SLC6A19: variants seen among roughly 807,000 people sequenced by gnomAD.
SLC6A19 encodes the protein sodium-dependent neutral amino acid transporter B(0)AT1.
A neutral mutation model predicts 68.3 loss-of-function variants in SLC6A19; 67 were observed. The observed-to-expected ratio is 0.98, with a 90% CI of 0.81 to 1.20. The LOEUF is 1.20. Ranked by LOEUF, SLC6A19 falls within the 50% of genes most tolerant of loss-of-function variation. SLC6A19 has a pLI of 0.00. For missense variants in SLC6A19, 813 were observed against 851.6 expected (o/e 0.95, Z 0.56); for synonymous variants, 392 against 374.9 (o/e 1.05, Z -0.53).
At chr5:1,217,696 G>T (rs1030184449) in intron 8 of SLC6A19, among the ~76,000 whole-genome samples, 1 of 152,250 alleles carries the variant, frequency 6.6e-6, no homozygotes, top group East Asian at 1.9e-4. Context: ...GGCAGGAGGG[G>T]CCCAACAGGG....
At chr5:1,202,674 C>A (rs942709622) in intron 1 of SLC6A19, among the ~76,000 whole-genome samples, 2 of 129,766 alleles carry the variant, frequency 1.5e-5, no homozygotes, top group African/African-American at 6.1e-5. Flanking sequence ...CTTCCTGCTG[C>A]CCTGGGGCAG....
intron 8 of SLC6A19, among the ~76,000 whole-genome samples, chr5:1,218,199 C>T (rs1217803378): frequency 1.3e-5 from 2 of 152,214 alleles, no homozygotes; most frequent in South Asian, 2.1e-4. Context: ...CTCTGGAACT[C>T]GCATAGTTGT....
In SLC6A19 at chr5:1,213,546, T is replaced by C; in HGVS notation, c.747T>C (p.Asn249=). Residue 249 remains asparagine (N), a synonymous_variant, in exon 5 of 12, where the codon AAT becomes AAC. Transcript: ENST00000304460. ...GCCTGACGCTGAAGGGCGCCACCAA[T>C]GGCATCGTCTTCCTCTTCACGCCCA... ...IRGLTLKGAT[N]GIVFLFTPNV... 6.2e-7 allele frequency: 1 copy of C among 1,610,892 alleles called. No homozygotes were observed. The highest frequency in any genetic ancestry group is 8.5e-7 in the Non-Finnish European group (1 of 1,179,120).
In SLC6A19 at chr5:1,214,246, G is replaced by A. The variant is rs1746139911; in HGVS notation, c.887+181G>A. Among the ~76,000 whole-genome samples the A allele has an allele frequency of 6.6e-6, 1 of 152,160 alleles. No individual in the cohort carries two copies. On this transcript the variant is annotated intron_variant, in intron 6 of 11. Coordinates refer to ENST00000304460, the MANE Select transcript of SLC6A19 (RefSeq NM_001003841.3). The surrounding 1 kb of genome is among the most constrained non-coding windows in gnomAD (Gnocchi z 7.4). ...CTGAGTCTAGAGTGCAGCATGTGGA[G>A]GAGGGGCAGGTCTCCCTGTGAGGAG...
rs1413399722 is a variant in SLC6A19 at position 1,209,420 on chromosome 5, G to A, written c.343+534G>A. 6.6e-6 allele frequency among the ~76,000 whole-genome samples: 1 copy of A among 152,138 alleles called. No individual in the cohort carries two copies. The highest frequency in any genetic ancestry group is 2.4e-5 in the African/African-American group (1 of 41,444). ...GGAGGAAAGGGCAGGGTCCACTCCAGAGAGGAGTCTGAGTCCAGGAAGCAC... is the reference window on the plus strand; with the variant it reads ...GGAGGAAAGGGCAGGGTCCACTCCAAAGAGGAGTCTGAGTCCAGGAAGCAC... On this transcript the variant is annotated intron_variant, in intron 2 of 11. Coordinates refer to ENST00000304460, the MANE Select transcript of SLC6A19 (RefSeq NM_001003841.3). This position sits in a 1 kb window ranked among gnomAD's most constrained non-coding sequence, Gnocchi z 5.5.
Position 1,219,209 on chromosome 5 carries a change from C to A in SLC6A19, c.1378+102C>A, listed in dbSNP as rs1251378503. On this transcript the variant is annotated intron_variant, in intron 9 of 11. Transcript: ENST00000304460. ...CTCTGTCCCCGGCCGTGCGTGCAGC[C>A]CCCGGGCGTGTGAACAGCTCTGTCC... 2.6e-6 allele frequency: 3 copies of A among 1,161,290 alleles called. No individual in the cohort carries two copies. The East Asian group carries it at 7.9e-5, about 30-fold the overall frequency. The allele number at this position is 1,161,290 out of a possible 1,614,324, so 71.9% of individuals were successfully genotyped here. A position where few individuals can be genotyped will look rare whatever the true frequency, so the allele number is the denominator to read the frequency against.
At chr5:1,208,456 G>C (rs1055158498) in intron 1 of SLC6A19, among the ~76,000 whole-genome samples, 1 of 152,154 alleles carries the variant, frequency 6.6e-6, no homozygotes, top group Non-Finnish European at 1.5e-5. Flanking sequence ...TGGTCAGAGC[G>C]CGTGAGGCAT....
rs374845053 is a variant in SLC6A19, at chr5:1,222,498, C to T, written c.*594C>T. ...CACATGTGTATATGTACATGTATGC[C>T]TGTGTGACGTGTGTATATGTGAGCA... is the stretch of plus-strand genomic sequence containing the variant. On this transcript the variant is annotated 3_prime_UTR_variant, in exon 12 of 12. Coordinates refer to ENST00000304460, the MANE Select transcript of SLC6A19 (RefSeq NM_001003841.3). The T allele has an allele frequency of 3.1e-5, 13 of 418,332 alleles. No individual in the cohort carries two copies. The highest frequency in any genetic ancestry group is 4.6e-5 in the Non-Finnish European group (11 of 237,258). 25.9% of individuals were successfully genotyped at this position (418,332 alleles called of 1,614,324 possible). A position where few individuals can be genotyped will look rare whatever the true frequency, so the allele number is the denominator to read the frequency against.
rs757370769 is a variant in SLC6A19 at position 1,221,922 on chromosome 5, C to T, written c.*18C>T. On this transcript the variant is annotated 3_prime_UTR_variant, in exon 12 of 12. Transcript: ENST00000304460. Reference sequence around the variant, plus strand: ...AGTACTGAGAAGGCCCATCCCACGGCGTGCCATACACTGGTGTCAGGGAAG... The same window carrying T: ...AGTACTGAGAAGGCCCATCCCACGGTGTGCCATACACTGGTGTCAGGGAAG... 74 of 1,612,560 alleles carry T rather than the reference C, an allele frequency of 4.6e-5. No homozygotes were observed. The East Asian group carries it at 4.7e-4, about 10-fold the overall frequency.
intron 1 of SLC6A19, among the ~76,000 whole-genome samples, chr5:1,205,893 C>T (rs969076195): frequency 1.3e-5 from 2 of 152,234 alleles, no homozygotes; most frequent in Non-Finnish European, 2.9e-5. Context: ...TGGTGAGCAT[C>T]TCCTGCACCT....
At chr5:1,219,197 C>G in intron 9 of SLC6A19, 90 bp downstream of exon 9, 1 of 1,271,940 alleles carries the variant, frequency 7.9e-7, no homozygotes, top group Non-Finnish European at 1.1e-6. Context: ...TGTCCCCGGC[C>G]GTGCGTGCAG....
In SLC6A19 at chr5:1,210,441, C is replaced by T. The variant is rs1279246166; in HGVS notation, c.344-3C>T. On this transcript the variant is annotated splice_polypyrimidine_tract_variant and splice_region_variant and intron_variant, in intron 2 of 11. Coordinates refer to ENST00000304460, the MANE Select transcript of SLC6A19 (RefSeq NM_001003841.3). ...CCAAGCCTCAGCAGCAGCCTCCCTG[C>T]AGGCCTGGCCTCCATGCTCACGTCC... is the stretch of plus-strand genomic sequence containing the variant. 3 of 1,612,888 alleles carry T rather than the reference C, an allele frequency of 1.9e-6. No individual in the cohort carries two copies. In the East Asian group the frequency reaches 6.7e-5, roughly 36 times the overall value.
At position 1,214,102 on chromosome 5, in the gene SLC6A19, A is replaced by G. The variant is rs751571502; in HGVS notation, c.887+37A>G. 1 of 1,613,244 alleles carries G rather than the reference A, an allele frequency of 6.2e-7. No homozygotes were observed. The highest frequency in any genetic ancestry group is 1.1e-5 in the South Asian group (1 of 91,074). ...TGTGGTGGGCCTCAGTTTCCCTCTC[A>G]GTCCTGGGGGGATCTTGCTGGGAGG... is the stretch of plus-strand genomic sequence containing the variant. On this transcript the variant is annotated intron_variant, in intron 6 of 11. Transcript: ENST00000304460. The surrounding 1 kb of genome is among the most constrained non-coding windows in gnomAD (Gnocchi z 7.4).
intron 10 of SLC6A19, among the ~76,000 whole-genome samples, chr5:1,219,965 C>A (rs983602490): frequency 1.3e-5 from 2 of 152,150 alleles, no homozygotes; most frequent in African/African-American, 4.8e-5. Flanking sequence ...GGGCCCACGG[C>A]CGGGGATGCT....
Position 1,221,951 on chromosome 5 carries a change from G to A in SLC6A19, c.*47G>A. The A allele has an allele frequency of 6.3e-7, 1 of 1,599,666 alleles. No individual in the cohort carries two copies. Among genetic ancestry groups the A allele is most frequent in the Non-Finnish European group, 8.5e-7 (1 of 1,170,576 alleles). On this transcript the variant is annotated 3_prime_UTR_variant, in exon 12 of 12. Transcript: ENST00000304460. ...CCATACACTGGTGTCAGGGAAGGAG[G>A]AACCAGCAAGACCTGTGGGGTGGGG...
Position 1,213,465 on chromosome 5 carries a change from C to A in SLC6A19, c.666C>A (p.Ala222=). 1 of 1,601,062 alleles carries A rather than the reference C, an allele frequency of 6.2e-7. No homozygotes were observed. Among genetic ancestry groups the A allele is most frequent in the South Asian group, 1.1e-5 (1 of 90,290 alleles). Residue 222 remains alanine, a splice_region_variant and synonymous_variant, in exon 5 of 12, where the codon GCC becomes GCA. Transcript: ENST00000304460. ...TIRGIETTGK[A]VYITSTLPYV... is the part of the protein sequence containing the mutation. Reference sequence around the variant, plus strand: ...CCCACATGTCCCGCCCTCCGCAGGCCGTGTACATCACCTCCACGCTGCCCT... The same window carrying A: ...CCCACATGTCCCGCCCTCCGCAGGCAGTGTACATCACCTCCACGCTGCCCT...
intron 1 of SLC6A19, among the ~76,000 whole-genome samples, chr5:1,208,275 T>C (rs1021650830): frequency 1.3e-5 from 2 of 152,052 alleles, no homozygotes; most frequent in Admixed American, 1.3e-4. Context: ...GAACGTTCAT[T>C]AAGCCAAGGA....
Position 1,209,642 on chromosome 5 carries a change from T to C in SLC6A19, c.343+756T>C, listed in dbSNP as rs557288059. On this transcript the variant is annotated intron_variant, in intron 2 of 11. Coordinates refer to ENST00000304460, the MANE Select transcript of SLC6A19 (RefSeq NM_001003841.3). This position sits in a 1 kb window ranked among gnomAD's most constrained non-coding sequence, Gnocchi z 5.5. ...TCCTCTCTCTCTGTCTCTGTCATTC[T>C]CTCTTTCCCCTCCTATTCTCTCCCT... Among the ~76,000 whole-genome samples, 1 of 151,680 alleles carries C rather than the reference T, an allele frequency of 6.6e-6. No individual in the cohort carries two copies. The highest frequency in any genetic ancestry group is 2.1e-4 in the South Asian group (1 of 4,760).
chr5:1,221,823 C>T lies in SLC6A19; in HGVS notation c.1824C>T (p.Asn608=), dbSNP rs1359872511. 6.2e-7 allele frequency: 1 copy of T among 1,614,240 alleles called. No individual in the cohort carries two copies. Among genetic ancestry groups the T allele is most frequent in the Admixed American group, 1.7e-5 (1 of 60,028 alleles). ...PGYAIYKLIR[N]HCQKPGDHQG... is the part of the protein sequence containing the mutation. ...ATGCCATCTACAAGCTCATCAGGAA[C>T]CACTGCCAGAAGCCAGGGGACCATC... Residue 608 remains asparagine (N), a synonymous_variant, in exon 12 of 12, where the codon AAC becomes AAT. Transcript: ENST00000304460.
Sources: allele counts gnomAD v4.1 joint callset (sites outside exome capture counted in the v4.1 genomes callset), GRCh38; gene constraint gnomAD v4.1.1; non-coding constraint Gnocchi (gnomAD v3.1); transcripts MANE v1.5; gene names NCBI Gene and HGNC (gene_info 2026-07-23, HGNC 2026-07-21).